PISD: variants seen among roughly 807,000 people sequenced by gnomAD.
The protein encoded by PISD is phosphatidylserine decarboxylase proenzyme, mitochondrial.
A neutral mutation model predicts 43.5 loss-of-function variants in PISD; 31 were observed. The observed-to-expected ratio is 0.71, with a 90% CI of 0.54 to 0.96. The LOEUF (loss-of-function observed/expected upper bound fraction) is 0.96, where lower values mean the gene tolerates loss of function less well. Ranked by LOEUF, PISD falls within the 40% of genes least tolerant of loss-of-function variation. PISD has a pLI of 0.00. For missense variants in PISD, 523 were observed against 548.4 expected (o/e 0.95, Z 0.46); for synonymous variants, 259 against 228.7 (o/e 1.13, Z -1.20).
chr22:31,657,543 G>C (rs1045992277), intron 1 of PISD, among the ~76,000 whole-genome samples: 1 of 151,720 alleles, frequency 6.6e-6, no homozygotes, highest in Non-Finnish European at 1.5e-5. Context: ...ATTTTTTTGA[G>C]ATGGCATCTT....
intron 3 of PISD, among the ~76,000 whole-genome samples, chr22:31,638,004 C>T (rs781720435): frequency 2.6e-5 from 4 of 152,254 alleles, no homozygotes; most frequent in Non-Finnish European, 4.4e-5. Flanking sequence ...CTGCCTTTGG[C>T]GTGGGAGCCG....
chr22:31,653,637 T>C (rs1177086222), intron 1 of PISD, among the ~76,000 whole-genome samples: 1 of 152,202 alleles, frequency 6.6e-6, no homozygotes, highest in Non-Finnish European at 1.5e-5. Context: ...TTATATCAGT[T>C]TGGTACATCA....
chr22:31,624,168 G>A (rs985676567), intron 3 of PISD, among the ~76,000 whole-genome samples: 1 of 152,198 alleles, frequency 6.6e-6, no homozygotes, highest in African/African-American at 2.4e-5. Flanking sequence ...GCACCTCTCA[G>A]CTGCAGCAGC....
intron 3 of PISD, among the ~76,000 whole-genome samples, chr22:31,647,072 A>T (rs1352067865): frequency 6.6e-6 from 1 of 152,096 alleles, no homozygotes; most frequent in African/African-American, 2.4e-5. Flanking sequence ...ACTAGATTCT[A>T]TTGGAAGAAA....
chr22:31,621,074 T>C lies in PISD; in HGVS notation c.766A>G (p.Ile256Val), dbSNP rs1382184111. ...TGGTAGTCCCCAGGGGCCAGGTAGA[T>C]GACACAGTGATAGAGCTCATTCCCT... ...REGNELYHCVIYLAPGDYHCF... is the reference protein window; with the variant it reads ...REGNELYHCVVYLAPGDYHCF... The change falls in exon 6 of 8, where the codon ATC becomes GTC. Residue 256 changes from isoleucine (I) to valine (V), a missense_variant. By Grantham distance (29) the Ile-to-Val change is conservative (BLOSUM62 3). Coordinates refer to ENST00000439502, the MANE Select transcript of PISD (RefSeq NM_001326411.2). 1 of 1,614,136 alleles carries C rather than the reference T, an allele frequency of 6.2e-7. No homozygotes were observed. The highest frequency in any genetic ancestry group is 8.5e-7 in the Non-Finnish European group (1 of 1,180,004).
At chr22:31,640,565 C>T (rs1347802683) in intron 3 of PISD, among the ~76,000 whole-genome samples, 5 of 133,056 alleles carry the variant, frequency 3.8e-5, no homozygotes, top group East Asian at 2.3e-4. Context: ...CTTTTTGTTT[C>T]GGTTTGGTTG....
chr22:31,621,526 G>A, intron 4 of PISD, 54 bp from the exon 5 acceptor site: 3 of 1,609,256 alleles, frequency 1.9e-6, no homozygotes, highest in Non-Finnish European at 2.5e-6. Flanking sequence ...CCTCCCCCCA[G>A]GAGACAGCCC....
chr22:31,634,143 G>T (rs1220385050), intron 3 of PISD, among the ~76,000 whole-genome samples: 1 of 152,238 alleles, frequency 6.6e-6, no homozygotes, highest in African/African-American at 2.4e-5. Flanking sequence ...CTGTGCCAGG[G>T]AACAGAAGGT....
chr22:31,629,185 G>C (rs2073067170), intron 3 of PISD: 4 of 985,352 alleles, frequency 4.1e-6, no homozygotes, highest in Non-Finnish European at 4.8e-6. Context: ...CCCCAGGCCA[G>C]GCAGCAGTTA....
chr22:31,641,934 C>G (rs754295655), intron 3 of PISD, among the ~76,000 whole-genome samples: 14 of 151,196 alleles, frequency 9.3e-5, no homozygotes, highest in Non-Finnish European at 1.6e-4. Flanking sequence ...GGGAAACACT[C>G]CGATTGTTTT....
chr22:31,621,653 C>T lies in PISD; in HGVS notation c.554G>A (p.Ser185Asn). 1 of 1,612,674 alleles carries T rather than the reference C, an allele frequency of 6.2e-7. No individual in the cohort carries two copies. Among genetic ancestry groups the T allele is most frequent in the Non-Finnish European group, 8.5e-7 (1 of 1,179,040 alleles). Residue 185 changes from serine to asparagine, a missense_variant, in exon 4 of 8, where the codon AGC becomes AAC. By Grantham distance (46) the Ser-to-Asn change is conservative. Coordinates refer to ENST00000439502, the MANE Select transcript of PISD (RefSeq NM_001326411.2). ...PQARPVCGLH[S>N]VISPSDGRIL... Reference sequence around the variant, plus strand: ...GAGGAAAGGGTCAGGCCTCACCACGCTGTGCAGGCCACAGACAGGCCGGGC... The same window carrying T: ...GAGGAAAGGGTCAGGCCTCACCACGTTGTGCAGGCCACAGACAGGCCGGGC...
chr22:31,637,164 AATATATATATAT>A (rs61010566), intron 3 of PISD, among the ~76,000 whole-genome samples: 48 of 13,618 alleles, frequency 3.5e-3, no homozygotes, highest in East Asian at 8.7e-3. Flanking sequence ...AAAAAAAAAA[AATATATATATAT>A]ATATATATAT....
chr22:31,622,299 G>C, intron 3 of PISD, among the ~76,000 whole-genome samples: 1 of 152,210 alleles, frequency 6.6e-6, no homozygotes, highest in East Asian at 1.9e-4. Flanking sequence ...CGTGGTCACT[G>C]CCCATATCCC....
chr22:31,619,464 T>G lies in PISD; in HGVS notation c.*148A>C, dbSNP rs9956. Reference sequence around the variant, plus strand: ...TTGTCTGCACCTCTGGAACAGGTGGTAGCCGAATCATTCAAGTCCTACCTG... The same window carrying G: ...TTGTCTGCACCTCTGGAACAGGTGGGAGCCGAATCATTCAAGTCCTACCTG... On this transcript the variant is annotated 3_prime_UTR_variant, in exon 8 of 8. Transcript: ENST00000439502. 0.31 allele frequency: 217,932 copies of G among 704,264 alleles called. 36,510 individuals are homozygous for G. The highest frequency in any genetic ancestry group is 0.52 in the African/African-American group (29,938 of 57,252). The allele number at this position is 704,264 out of a possible 1,614,324, so 43.6% of individuals were successfully genotyped here.
At chr22:31,638,293 C>G (rs2073576228) in intron 3 of PISD, 1 of 816,382 alleles carries the variant, frequency 1.2e-6, no homozygotes, top group Admixed American at 6.2e-5. Flanking sequence ...GTCACAACAG[C>G]AGCCCCACGT....
chr22:31,619,137 C>CTGCTGG lies in PISD; in HGVS notation c.*469_*474dup, dbSNP rs1174413073. The CTGCTGG allele has an allele frequency of 3.9e-6, 1 of 254,266 alleles. No homozygotes were observed. The highest frequency in any genetic ancestry group is 7.9e-6 in the Non-Finnish European group (1 of 127,260). The allele number at this position is 254,266 out of a possible 1,614,324, so 15.8% of individuals were successfully genotyped here. A position where few individuals can be genotyped will look rare whatever the true frequency, so the allele number is the denominator to read the frequency against. On this transcript the variant is annotated 3_prime_UTR_variant, in exon 8 of 8. Transcript: ENST00000439502. ...CAGTTGTCACGAAGGCTGTGTGGCT[C>CTGCTGG]TGCTGGGGGAGAGGCATCCACAGTC...
upstream of PISD, chr22:31,662,336 C>CT (rs2074346667): frequency 7.7e-6 from 7 of 914,804 alleles, no homozygotes; most frequent in Non-Finnish European, 1.2e-5. Context: ...GACTAAGCTC[C>CT]GCCCTGTGGC....
chr22:31,635,978 C>G (rs910634380), intron 3 of PISD, among the ~76,000 whole-genome samples: 6 of 152,252 alleles, frequency 3.9e-5, no homozygotes, highest in Admixed American at 3.9e-4. Flanking sequence ...ATACACATCA[C>G]TCTTATTTAA....
In PISD at chr22:31,648,278, T is replaced by C; in HGVS notation, c.146-2A>G. Reference sequence around the variant, plus strand: ...GGGCAGTGTGGATTTTTCTGGCATCTGTAATAAAAAACAGGACAATTTCAA... The same window carrying C: ...GGGCAGTGTGGATTTTTCTGGCATCCGTAATAAAAAACAGGACAATTTCAA... On this transcript the variant is annotated splice_acceptor_variant, in intron 2 of 7. Coordinates refer to ENST00000439502, the MANE Select transcript of PISD (RefSeq NM_001326411.2). LOFTEE classifies it high-confidence loss of function. 1 of 1,600,398 alleles carries C rather than the reference T, an allele frequency of 6.2e-7. No homozygotes were observed. The highest frequency in any genetic ancestry group is 8.5e-7 in the Non-Finnish European group (1 of 1,174,164).
Sources: allele counts gnomAD v4.1 joint callset (sites outside exome capture counted in the v4.1 genomes callset), GRCh38; gene constraint gnomAD v4.1.1; transcripts MANE v1.5; gene names NCBI Gene and HGNC (gene_info 2026-07-23, HGNC 2026-07-21).